The following CCDC85A variants were observed in gnomAD, a reference collection of about 807,000 sequenced individuals.
The protein encoded by CCDC85A is coiled-coil domain-containing protein 85A.
A neutral mutation model predicts 50.2 loss-of-function variants in CCDC85A; 38 were observed. The ratio of observed to expected loss-of-function variants is 0.76; its 90% confidence interval spans 0.58 to 0.99. The LOEUF (loss-of-function observed/expected upper bound fraction) is 0.99, where lower values mean the gene tolerates loss of function less well. Among genes scored for constraint, CCDC85A ranks in the 50% least tolerant of loss-of-function variants. The pLI, the probability that CCDC85A is intolerant of heterozygous loss-of-function variation, is 0.00. For missense variants in CCDC85A, 820 were observed against 742.0 expected, an observed-to-expected ratio of 1.11 and a Z score of -1.22; for synonymous variants, 366 against 301.4, an observed-to-expected ratio of 1.21 and a Z score of -2.22.
chr2:56,378,153 A>G (rs909665752), intron 5 of CCDC85A, among the ~76,000 whole-genome samples: 9 of 152,154 alleles, frequency 5.9e-5, no homozygotes, highest in Non-Finnish European at 1.0e-4. Flanking sequence ...GCCACTTGAC[A>G]TGTTTTGTTT....
intron 2 of CCDC85A, among the ~76,000 whole-genome samples, chr2:56,282,928 T>C (rs1671270562): frequency 6.6e-6 from 1 of 152,226 alleles, no homozygotes; most frequent in African/African-American, 2.4e-5. Flanking sequence ...TTTTATAGTA[T>C]TGTTAATGGT....
At chr2:56,301,213 C>G (rs1330364817) in intron 2 of CCDC85A, among the ~76,000 whole-genome samples, 2 of 152,074 alleles carry the variant, frequency 1.3e-5, no homozygotes, top group African/African-American at 2.4e-5. Flanking sequence ...TGGAGCAAAT[C>G]AAATCACTCA....
At chr2:56,325,200 A>G (rs895363210) in intron 2 of CCDC85A, among the ~76,000 whole-genome samples, 15 of 152,096 alleles carry the variant, frequency 9.9e-5, no homozygotes, top group Admixed American at 4.6e-4. Context: ...AGATTCATTT[A>G]TGGCCAGCAT....
rs557608912 is a variant in CCDC85A, at chr2:56,302,673, C to G, written c.1241-40206C>G. Among the ~76,000 whole-genome samples the G allele has an allele frequency of 4.6e-5, 7 of 152,320 alleles. No individual in the cohort carries two copies. The East Asian group carries it at 1.3e-3, about 29-fold the overall frequency. ...ATCTTTACAATACAAAGTCACCTTT[C>G]TTTATCTTAGTCTCATGTTGTGATT... is the stretch of plus-strand genomic sequence containing the variant. On this transcript the variant is annotated intron_variant, in intron 2 of 5. Transcript: ENST00000407595.
At chr2:56,312,627 TTGG>T (rs1226625768) in intron 2 of CCDC85A, among the ~76,000 whole-genome samples, 1 of 152,168 alleles carries the variant, frequency 6.6e-6, no homozygotes, top group African/African-American at 2.4e-5. Context: ...TACCAAATCC[TTGG>T]TCAGAAACAA....
intron 3 of CCDC85A, among the ~76,000 whole-genome samples, chr2:56,359,792 C>T (rs956657969): frequency 6.6e-6 from 1 of 152,188 alleles, no homozygotes; most frequent in African/African-American, 2.4e-5. Context: ...ATTCTTCCTT[C>T]ACATGATCTT....
Position 56,254,524 on chromosome 2 carries a change from A to G in CCDC85A, c.1240+61084A>G, listed in dbSNP as rs79014498. 2.4e-3 allele frequency among the ~76,000 whole-genome samples: 362 copies of G among 152,326 alleles called. 1 individual carries two copies. The highest frequency in any genetic ancestry group is 8.6e-3 in the African/African-American group (356 of 41,582). ...TTAGACATGGCAGAAACAAAAAATG[A>G]GCAACACTGTCTCAGTTCACAAGTG... On this transcript the variant is annotated intron_variant, in intron 2 of 5. Coordinates refer to ENST00000407595, the MANE Select transcript of CCDC85A (RefSeq NM_001080433.2).
At chr2:56,368,596 C>T (rs1364538052) in intron 3 of CCDC85A, among the ~76,000 whole-genome samples, 1 of 152,028 alleles carries the variant, frequency 6.6e-6, no homozygotes, top group African/African-American at 2.4e-5. Flanking sequence ...AAAAATTAAG[C>T]ATCTTTAAGT....
At position 56,334,144 on chromosome 2, in the gene CCDC85A, G is replaced by A. The variant is rs538581854; in HGVS notation, c.1241-8735G>A. ...CTATCCTAGTATTCTGGTTTGTTTTGTTGCCTTTGTTGTACAAATCACCTT... is the reference window on the plus strand; with the variant it reads ...CTATCCTAGTATTCTGGTTTGTTTTATTGCCTTTGTTGTACAAATCACCTT... On this transcript the variant is annotated intron_variant, in intron 2 of 5. Transcript: ENST00000407595. 3.9e-5 allele frequency among the ~76,000 whole-genome samples: 6 copies of A among 152,208 alleles called. No individual in the cohort carries two copies. The East Asian group carries it at 1.2e-3, about 29-fold the overall frequency.
intron 3 of CCDC85A, among the ~76,000 whole-genome samples, chr2:56,368,793 A>C (rs1675930191): frequency 6.7e-6 from 1 of 148,696 alleles, no homozygotes; most frequent in African/African-American, 2.5e-5. Flanking sequence ...AATTGGAAAT[A>C]TTTATATAGT....
At chr2:56,231,351 C>T (rs1668764855) in intron 2 of CCDC85A, among the ~76,000 whole-genome samples, 1 of 152,190 alleles carries the variant, frequency 6.6e-6, no homozygotes, top group South Asian at 2.1e-4. Flanking sequence ...TGCACAGCCT[C>T]TTCAGTCTAA....
Position 56,342,170 on chromosome 2 carries a change from C to G in CCDC85A, c.1241-709C>G, listed in dbSNP as rs558964025. Among the ~76,000 whole-genome samples, 7 of 150,388 alleles carry G rather than the reference C, an allele frequency of 4.7e-5. No individual in the cohort carries two copies. In the South Asian group the frequency reaches 1.5e-3, roughly 32 times the overall value. On this transcript the variant is annotated intron_variant, in intron 2 of 5. Coordinates refer to ENST00000407595, the MANE Select transcript of CCDC85A (RefSeq NM_001080433.2). The stretch of plus-strand genomic sequence containing the variant: ...GGTTGGTGTGCAAAAAGCCTGCAGT[C>G]TCACCACCTATAATTTTCTCTAATA...
intron 2 of CCDC85A, among the ~76,000 whole-genome samples, chr2:56,264,679 A>G (rs573445536): frequency 1.4e-4 from 22 of 152,198 alleles, no homozygotes; most frequent in Admixed American, 1.2e-3. Context: ...TCACTCTTCT[A>G]TTTACAGCCC....
intron 2 of CCDC85A, among the ~76,000 whole-genome samples, chr2:56,196,368 T>C (rs577541682): frequency 1.3e-5 from 2 of 152,370 alleles, no homozygotes; most frequent in East Asian, 3.9e-4. Context: ...CAGGCATTTG[T>C]CCATTCATTC....
At chr2:56,212,407 T>C (rs1677215006) in intron 2 of CCDC85A, among the ~76,000 whole-genome samples, 1 of 147,270 alleles carries the variant, frequency 6.8e-6, no homozygotes, top group Admixed American at 6.9e-5. Context: ...CATGAACCCA[T>C]TCCAAAATTA....
chr2:56,254,295 G>A (rs566131026), intron 2 of CCDC85A, among the ~76,000 whole-genome samples: 1 of 152,214 alleles, frequency 6.6e-6, no homozygotes, highest in South Asian at 2.1e-4. Context: ...AGTTTCTCTG[G>A]TGATGCTGTG....
chr2:56,266,552 A>G (rs1670448813), intron 2 of CCDC85A, among the ~76,000 whole-genome samples: 1 of 148,344 alleles, frequency 6.7e-6, no homozygotes, highest in African/African-American at 2.5e-5. Context: ...CAATAAATAT[A>G]TATAATTGTC....
chr2:56,339,099 A>C lies in CCDC85A; in HGVS notation c.1241-3780A>C, dbSNP rs113432956. ...TCTAATAGGGAATGTGTGTTCTGAG[A>C]AAGTTATTAAGGTTTGCAATAACTG... On this transcript the variant is annotated intron_variant, in intron 2 of 5. Coordinates refer to ENST00000407595, the MANE Select transcript of CCDC85A (RefSeq NM_001080433.2). Among the ~76,000 whole-genome samples the C allele has an allele frequency of 4.1e-3, 618 of 152,338 alleles. 5 individuals are homozygous for C. The highest frequency in any genetic ancestry group is 0.014 in the African/African-American group (574 of 41,584).
Position 56,378,882 on chromosome 2 carries a change from A to G in CCDC85A, c.1572+2947A>G. Among the ~76,000 whole-genome samples, 2 of 152,192 alleles carry G rather than the reference A, an allele frequency of 1.3e-5. 1 individual carries two copies. The highest frequency in any genetic ancestry group is 3.9e-4 in the East Asian group (2 of 5,194). Reference sequence around the variant, plus strand: ...GTGGATTCTATAGGAACTTCTAGGGAGAGCATTAGTTTTTTGTATTACTTC... The same window carrying G: ...GTGGATTCTATAGGAACTTCTAGGGGGAGCATTAGTTTTTTGTATTACTTC... On this transcript the variant is annotated intron_variant, in intron 5 of 5. Coordinates refer to ENST00000407595, the MANE Select transcript of CCDC85A (RefSeq NM_001080433.2).
Sources: gnomAD v4.1 joint callset for allele counts (sites outside exome capture counted in the v4.1 genomes callset) on GRCh38, gnomAD v4.1.1 for gene constraint, MANE v1.5 for transcripts, NCBI Gene and HGNC (gene_info 2026-07-23, HGNC 2026-07-21) for gene names.